The following BRF1 variants were observed in gnomAD, a reference collection of about 807,000 sequenced individuals.
BRF1 encodes the protein transcription factor IIIB 90 kDa subunit.
A neutral mutation model predicts 81.7 loss-of-function variants in BRF1; 59 were observed. That is an observed-to-expected ratio of 0.72 (90% CI 0.59 to 0.90). The LOEUF (loss-of-function observed/expected upper bound fraction) is 0.90, where lower values mean the gene tolerates loss of function less well. Ranked by LOEUF, BRF1 falls within the 40% of genes least tolerant of loss-of-function variation. BRF1 has a pLI of 0.00. For missense variants in BRF1, 1,050 were observed against 936.3 expected (o/e 1.12, Z -1.58); for synonymous variants, 491 against 395.6 (o/e 1.24, Z -2.86).
intron 5 of BRF1, among the ~76,000 whole-genome samples, chr14:105,243,298 A>AAAG (rs1347782594): frequency 2.0e-5 from 3 of 151,356 alleles, no homozygotes; most frequent in East Asian, 3.9e-4. Context: ...AAAAAAAAAA[A>AAAG]AATTAGCCGG....
intron 2 of BRF1, among the ~76,000 whole-genome samples, chr14:105,275,026 C>T (rs1266103417): frequency 1.3e-5 from 2 of 152,210 alleles, no homozygotes; most frequent in African/African-American, 4.8e-5. Context: ...CCTGAGGCGG[C>T]CTCCATCCCC....
intron 12 of BRF1, 70 bp downstream of exon 12, chr14:105,219,999 A>G: frequency 6.3e-7 from 1 of 1,584,180 alleles, no homozygotes; most frequent in Non-Finnish European, 8.6e-7. Flanking sequence ...CCGCCCGACC[A>G]CTCAGGGCTC....
At chr14:105,294,189 C>T (rs587660998) in intron 1 of BRF1, among the ~76,000 whole-genome samples, 2 of 152,330 alleles carry the variant, frequency 1.3e-5, no homozygotes, top group Middle Eastern at 3.4e-3. Flanking sequence ...CCACCTGCGC[C>T]GGTCCCCAGG....
At chr14:105,248,583 G>GGGCGGGCGGGAC (rs2055317851) in intron 5 of BRF1, 1 of 729,010 alleles carries the variant, frequency 1.4e-6, no homozygotes, top group East Asian at 1.2e-4. Context: ...GCGGGCGGGC[G>GGGCGGGCGGGAC]GGCGGGACGG....
chr14:105,228,771 C>T (rs750426723), intron 7 of BRF1, 49 bp downstream of exon 7: 17 of 1,602,876 alleles, frequency 1.1e-5, no homozygotes, highest in Admixed American at 1.7e-5. Flanking sequence ...CTGAGCTGGA[C>T]TGATGAAGCC....
At chr14:105,249,137 C>T (rs746453562) in intron 5 of BRF1, 9 of 1,554,350 alleles carry the variant, frequency 5.8e-6, no homozygotes, top group Non-Finnish European at 7.8e-6. Context: ...CGCCCCCAGC[C>T]CGTGCCTCTA....
At chr14:105,214,976 C>A (rs138847182) in intron 15 of BRF1, among the ~76,000 whole-genome samples, 1 of 152,220 alleles carries the variant, frequency 6.6e-6, no homozygotes, top group African/African-American at 2.4e-5. Context: ...TCCCCTGCCC[C>A]GCTGGAACTG....
chr14:105,302,826 C>A (rs1318252180), upstream of BRF1, among the ~76,000 whole-genome samples: 1 of 152,020 alleles, frequency 6.6e-6, no homozygotes, highest in East Asian at 1.9e-4. Flanking sequence ...AGTGAGCCAC[C>A]CGCCTTGTCT....
rs1027939219 is a variant in BRF1 at position 105,309,481 on chromosome 14, G to A, written c.-162+5841C>T. On this transcript the variant is annotated intron_variant, in intron 1 of 17. Coordinates refer to the BRF1 transcript ENST00000327359. The surrounding 1 kb of genome is among the most constrained non-coding windows in gnomAD (Gnocchi z 4.0). ...CTGGACTGGACATTCCTTTCTGTAG[G>A]TGTTGCTGTTTGAAATATCTCACAC... 6.6e-6 allele frequency among the ~76,000 whole-genome samples: 1 copy of A among 152,346 alleles called. No homozygotes were observed. The highest frequency in any genetic ancestry group is 3.4e-3 in the Middle Eastern group (1 of 294).
chr14:105,283,110 C>T (rs1217713792), intron 2 of BRF1, among the ~76,000 whole-genome samples: 3 of 152,164 alleles, frequency 2.0e-5, no homozygotes, highest in Non-Finnish European at 2.9e-5. Context: ...CCAGGACACT[C>T]GACAGCAAGG....
rs1329982132 is a variant in BRF1, at chr14:105,300,803, C to CCGCCCGCAACGGCCG, written c.-189_-175dup. 1 of 288,986 alleles carries CCGCCCGCAACGGCCG rather than the reference C, an allele frequency of 3.5e-6. No individual in the cohort carries two copies. Among genetic ancestry groups the CCGCCCGCAACGGCCG allele is most frequent in the Non-Finnish European group, 5.5e-6 (1 of 182,188 alleles). The allele number at this position is 288,986 out of a possible 1,614,324, so 17.9% of individuals were successfully genotyped here. ...ATTCGCCGCGCGCGCCCGGGCCGCG[C>CCGCCCGCAACGGCCG]CGCCCGCAACGGCCGCGCCCGCGGG... is the stretch of plus-strand genomic sequence containing the variant. On this transcript the variant is annotated 5_prime_UTR_variant, in exon 1 of 18. Transcript: ENST00000547530.
chr14:105,290,530 G>A (rs759858728), intron 1 of BRF1, among the ~76,000 whole-genome samples: 2 of 152,134 alleles, frequency 1.3e-5, no homozygotes, highest in Non-Finnish European at 2.9e-5. Flanking sequence ...GGCTGCAGGC[G>A]TGCTTCTGAC....
rs1012840449 is a variant in BRF1, at chr14:105,284,359, G to A, written c.265+1937C>T. Among the ~76,000 whole-genome samples, 1 of 152,190 alleles carries A rather than the reference G, an allele frequency of 6.6e-6. No homozygotes were observed. Among genetic ancestry groups the A allele is most frequent in the African/African-American group, 2.4e-5 (1 of 41,444 alleles). Reference sequence around the variant, plus strand: ...GGAAGCGTAAGGATCCATCCACTCTGCTGTGAGGGATCATCGCAAGCCCAA... The same window carrying A: ...GGAAGCGTAAGGATCCATCCACTCTACTGTGAGGGATCATCGCAAGCCCAA... On this transcript the variant is annotated intron_variant, in intron 2 of 17. Transcript: ENST00000547530. The surrounding 1 kb of genome is among the most constrained non-coding windows in gnomAD (Gnocchi z 4.0).
At chr14:105,282,672 C>T (rs1055316227) in intron 2 of BRF1, among the ~76,000 whole-genome samples, 3 of 152,104 alleles carry the variant, frequency 2.0e-5, no homozygotes, top group East Asian at 1.9e-4. Flanking sequence ...GTGGCTCACA[C>T]CTCTAATTCA....
chr14:105,223,848 G>A (rs890489140), intron 10 of BRF1, among the ~76,000 whole-genome samples: 3 of 152,202 alleles, frequency 2.0e-5, no homozygotes, highest in Admixed American at 6.5e-5. Flanking sequence ...TTAAAAGACT[G>A]AGAAAAGAAC....
intron 1 of BRF1, among the ~76,000 whole-genome samples, chr14:105,298,925 C>T (rs1333277945): frequency 6.6e-6 from 1 of 151,274 alleles, no homozygotes; most frequent in Non-Finnish European, 1.5e-5. Flanking sequence ...AATCCCAGCA[C>T]TTTGGGAGGC....
At chr14:105,291,373 G>A (rs1008249761) in intron 1 of BRF1, among the ~76,000 whole-genome samples, 2 of 152,226 alleles carry the variant, frequency 1.3e-5, no homozygotes, top group African/African-American at 2.4e-5. Context: ...TAATATTCAC[G>A]TGCTCATTCA....
intron 1 of BRF1, among the ~76,000 whole-genome samples, chr14:105,313,488 C>G (rs1208834964): frequency 6.6e-6 from 1 of 152,240 alleles, no homozygotes; most frequent in Non-Finnish European, 1.5e-5. Flanking sequence ...CTTGTTCTCT[C>G]CGAAGTGGGA....
chr14:105,246,856 C>A, intron 5 of BRF1: 1 of 985,510 alleles, frequency 1.0e-6, no homozygotes, highest in South Asian at 4.7e-5. Flanking sequence ...CAGATCAAGA[C>A]GCTGACTACC....
Sources: allele counts gnomAD v4.1 joint callset (sites outside exome capture counted in the v4.1 genomes callset), GRCh38; gene constraint gnomAD v4.1.1; non-coding constraint Gnocchi (gnomAD v3.1); transcripts MANE v1.5; gene names NCBI Gene and HGNC (gene_info 2026-07-23, HGNC 2026-07-21).